Variants in ANO10 observed in about 807,000 individuals in gnomAD.
ANO10 encodes anoctamin 10.
A neutral mutation model predicts 74.7 loss-of-function variants in ANO10; 77 were observed. The ratio of observed to expected loss-of-function variants is 1.03; its 90% CI spans 0.86 to 1.25. ANO10 has a LOEUF of 1.25. ANO10 is among the 50% of genes most tolerant of loss of function. The pLI is 0.00. For synonymous variants in ANO10, 279 were observed against 284.9 expected, an observed-to-expected ratio of 0.98 and a Z score of 0.21; for missense variants, 721 against 778.1, an observed-to-expected ratio of 0.93 and a Z score of 0.87.
chr3:43,612,255 C>A (rs2082870857), intron 1 of ANO10, among the ~76,000 whole-genome samples: 1 of 148,680 alleles, frequency 6.7e-6, no homozygotes, highest in Non-Finnish European at 1.5e-5. Context: ...CTCTTTCTTT[C>A]TCTTAAATTC....
chr3:43,401,967 A>C (rs1559510872), intron 12 of ANO10, among the ~76,000 whole-genome samples: 2 of 151,972 alleles, frequency 1.3e-5, no homozygotes, highest in East Asian at 3.9e-4. Flanking sequence ...TACAGCTCTG[A>C]GGGTCCCATG....
chr3:43,387,878 C>T (rs190526602), intron 12 of ANO10, among the ~76,000 whole-genome samples: 3 of 152,292 alleles, frequency 2.0e-5, no homozygotes, highest in African/African-American at 7.2e-5. Flanking sequence ...CTTGTACCCC[C>T]AGGGAGAGGC....
chr3:43,648,640 G>A (rs538403244), intron 1 of ANO10, among the ~76,000 whole-genome samples: 5 of 150,178 alleles, frequency 3.3e-5, no homozygotes, highest in Admixed American at 2.0e-4. Context: ...GGTCACTCTC[G>A]TGGCCTTCTT....
chr3:43,658,662 A>G lies in ANO10; in HGVS notation c.-12+32855T>C, dbSNP rs566801926. Among the ~76,000 whole-genome samples, 855 of 151,882 alleles carry G rather than the reference A, an allele frequency of 5.6e-3. 4 individuals carry two copies. The highest frequency in any genetic ancestry group is 9.9e-3 in the Non-Finnish European group (674 of 67,940). On this transcript the variant is annotated intron_variant, in intron 1 of 3. Coordinates refer to the ANO10 transcript ENST00000413397. ...TTTTTGTATTTTTAGTAGAGACGGGATTTCACCACGTTGGCCAGGCTTGTC... is the reference window on the plus strand; with the variant it reads ...TTTTTGTATTTTTAGTAGAGACGGGGTTTCACCACGTTGGCCAGGCTTGTC...
At chr3:43,409,726 AC>A (rs2092634260) in intron 12 of ANO10, among the ~76,000 whole-genome samples, 1 of 152,230 alleles carries the variant, frequency 6.6e-6, no homozygotes, top group Admixed American at 6.5e-5. Flanking sequence ...AATAATAACA[AC>A]AAAAGAACAA....
chr3:43,522,730 G>C (rs2078013787), intron 11 of ANO10, among the ~76,000 whole-genome samples: 1 of 152,180 alleles, frequency 6.6e-6, no homozygotes, highest in Admixed American at 6.5e-5. Context: ...AAGGTCTAAA[G>C]AACCAGGCTG....
At chr3:43,384,397 C>T (rs910499684) in intron 12 of ANO10, among the ~76,000 whole-genome samples, 1 of 152,036 alleles carries the variant, frequency 6.6e-6, no homozygotes, top group African/African-American at 2.4e-5. Context: ...CAAAATAGTA[C>T]CATCATTCTT....
chr3:43,668,227 ATCTTC>A (rs1382238282), intron 1 of ANO10, among the ~76,000 whole-genome samples: 5 of 151,412 alleles, frequency 3.3e-5, no homozygotes, highest in South Asian at 2.1e-4. Context: ...CTGTTTGTAT[ATCTTC>A]TCTTGAGAAT....
At chr3:43,490,367 G>T (rs1232284473) in intron 11 of ANO10, among the ~76,000 whole-genome samples, 1 of 152,088 alleles carries the variant, frequency 6.6e-6, no homozygotes. Context: ...AAACACAAGT[G>T]AAATAAAAAG....
chr3:43,457,843 T>C (rs2075203733), intron 11 of ANO10, among the ~76,000 whole-genome samples: 1 of 152,290 alleles, frequency 6.6e-6, no homozygotes, highest in Admixed American at 6.5e-5. Flanking sequence ...CCACTTGAAA[T>C]GCTCAGTGCA....
At chr3:43,456,246 C>G (rs114533293) in intron 11 of ANO10, among the ~76,000 whole-genome samples, 121 of 152,282 alleles carry the variant, frequency 7.9e-4, no homozygotes, top group African/African-American at 2.7e-3. Context: ...ATACTCTCAG[C>G]TGCATTTTTG....
chr3:43,392,456 A>G (rs1243680106), intron 12 of ANO10, among the ~76,000 whole-genome samples: 2 of 152,234 alleles, frequency 1.3e-5, no homozygotes, highest in African/African-American at 4.8e-5. Context: ...AGATGATCCC[A>G]TATCAGGAAC....
Position 43,576,783 on chromosome 3 carries a change from G to T in ANO10, c.1071C>A (p.Val357=). Residue 357 remains valine (V), a synonymous_variant, in exon 6 of 13, where the codon GTC becomes GTA. Transcript: ENST00000292246. ...HENSGSEWTS[V]LLYVPSIIYA... Reference sequence around the variant, plus strand: ...AGATGATGCTGGGCACATACAACAGGACACTGGTCCACTCAGACCCGCTGT... The same window carrying T: ...AGATGATGCTGGGCACATACAACAGTACACTGGTCCACTCAGACCCGCTGT... 21 of 1,614,136 alleles carry T rather than the reference G, an allele frequency of 1.3e-5. No individual in the cohort carries two copies. Among genetic ancestry groups the T allele is most frequent in the Non-Finnish European group, 1.8e-5 (21 of 1,180,028 alleles).
intron 1 of ANO10, among the ~76,000 whole-genome samples, chr3:43,643,055 G>A (rs1006076292): frequency 3.4e-5 from 5 of 148,392 alleles, no homozygotes; most frequent in African/African-American, 1.0e-4. Flanking sequence ...TTTTTGAGAC[G>A]GAGTCTTGCT....
upstream of ANO10, chr3:43,622,211 G>GA: frequency 6.6e-6 from 1 of 152,636 alleles, no homozygotes; most frequent in Non-Finnish European, 1.5e-5. Flanking sequence ...CCGGTCCGAA[G>GA]AAAAAAAGGC....
At chr3:43,634,370 CA>C (rs1431107471) in intron 1 of ANO10, among the ~76,000 whole-genome samples, 2 of 152,076 alleles carry the variant, frequency 1.3e-5, no homozygotes, top group East Asian at 3.9e-4. Flanking sequence ...AGAGTGTAGG[CA>C]GTGAAAAGTA....
intron 11 of ANO10, among the ~76,000 whole-genome samples, chr3:43,509,399 A>T (rs1339483770): frequency 2.0e-5 from 3 of 152,226 alleles, no homozygotes; most frequent in Non-Finnish European, 4.4e-5. Context: ...AAACATAGAC[A>T]TTTCACTGAA....
At chr3:43,447,798 G>T (rs1258866082) in intron 11 of ANO10, among the ~76,000 whole-genome samples, 3 of 152,084 alleles carry the variant, frequency 2.0e-5, no homozygotes, top group Admixed American at 1.3e-4. Flanking sequence ...TATTATTAAG[G>T]TCTAACATTT....
intron 11 of ANO10, among the ~76,000 whole-genome samples, chr3:43,493,725 T>C (rs773287489): frequency 7.2e-5 from 11 of 152,176 alleles, no homozygotes; most frequent in Non-Finnish European, 1.5e-4. Context: ...ATAAAAATCA[T>C]TTATTACAAA....
Sources: gnomAD v4.1 joint callset for allele counts (sites outside exome capture counted in the v4.1 genomes callset) on GRCh38, gnomAD v4.1.1 for gene constraint, MANE v1.5 for transcripts, NCBI Gene and HGNC (gene_info 2026-07-23, HGNC 2026-07-21) for gene names.